PRKCD: variants seen among roughly 807,000 people sequenced by gnomAD.
The protein encoded by PRKCD is protein kinase C delta.
PRKCD carries 20 observed loss-of-function variants against 82.2 expected under a neutral mutation model. The observed-to-expected ratio is 0.24, with a 90% CI of 0.17 to 0.35. The LOEUF is 0.35. PRKCD is among the 10% of genes least tolerant of loss of function. The pLI, the probability that PRKCD is intolerant of heterozygous loss-of-function variation, is 1.00. For synonymous variants in PRKCD, 317 were observed against 337.0 expected (o/e 0.94, Z 0.65); for missense variants, 607 against 899.0 (o/e 0.68, Z 4.15).
intron 14 of PRKCD, among the ~76,000 whole-genome samples, chr3:53,187,057 GTA>G (rs1277585161): frequency 1.5e-4 from 22 of 150,918 alleles, no homozygotes; most frequent in African/African-American, 5.1e-4. Flanking sequence ...AACTAACCGT[GTA>G]TGTGTGTGTG....
chr3:53,182,336 T>G (rs1224777754), intron 7 of PRKCD, among the ~76,000 whole-genome samples: 1 of 152,156 alleles, frequency 6.6e-6, no homozygotes, highest in Non-Finnish European at 1.5e-5. Context: ...TTGTGCGATC[T>G]CAGCTCACTG....
chr3:53,165,655 G>T (rs1483388393), intron 2 of PRKCD, among the ~76,000 whole-genome samples: 1 of 152,188 alleles, frequency 6.6e-6, no homozygotes, highest in African/African-American at 2.4e-5. Context: ...GTTGGACACT[G>T]CAGGGGGATG....
chr3:53,187,195 T>C (rs1703736737), intron 14 of PRKCD, 145 bp from the exon 15 acceptor site: 4 of 944,310 alleles, frequency 4.2e-6, no homozygotes, highest in African/African-American at 1.6e-5. Flanking sequence ...ACTTGCCTGA[T>C]ACAAGATGTA....
rs72955726 is a variant in PRKCD, at chr3:53,172,239, C to T, written c.-19-6165C>T. 7.3e-3 allele frequency among the ~76,000 whole-genome samples: 1,116 copies of T among 152,152 alleles called. 19 individuals carry two copies. The highest frequency in any genetic ancestry group is 0.026 in the African/African-American group (1,075 of 41,478). On this transcript the variant is annotated intron_variant, in intron 2 of 18. Coordinates refer to ENST00000330452, the MANE Select transcript of PRKCD (RefSeq NM_006254.4). ...CCACCTCCTGTTCCTCTTGCTGAGC[C>T]CACTTCCTGGGTTGTGAAACCTGCA...
At chr3:53,185,847 C>T (rs2107276309) in intron 11 of PRKCD, 80 bp from the exon 12 acceptor site, 2 of 1,557,344 alleles carry the variant, frequency 1.3e-6, no homozygotes, top group South Asian at 1.1e-5. Context: ...GGCCCCTTCC[C>T]CCAGCCTACC....
rs776295020 is a variant in PRKCD at position 53,169,145 on chromosome 3, A to G, written c.-20+3930A>G. On this transcript the variant is annotated intron_variant, in intron 2 of 18. Coordinates refer to ENST00000330452, the MANE Select transcript of PRKCD (RefSeq NM_006254.4). This position sits in a 1 kb window ranked among gnomAD's most constrained non-coding sequence, Gnocchi z 4.7. ...CAGGGGGAGCTGTCTGGCCTGAGCC[A>G]CTGCCTGAGCTCGTGCACTCCTAGT... 7.9e-5 allele frequency among the ~76,000 whole-genome samples: 12 copies of G among 151,958 alleles called. No individual in the cohort carries two copies. Among genetic ancestry groups the G allele is most frequent in the South Asian group, 2.1e-4 (1 of 4,828 alleles).
In PRKCD at chr3:53,186,631, C is replaced by T. The variant is rs782521690; in HGVS notation, c.1288C>T (p.Leu430Phe). 6.2e-7 allele frequency: 1 copy of T among 1,613,904 alleles called. No individual in the cohort carries two copies. Among genetic ancestry groups the T allele is most frequent in the South Asian group, 1.1e-5 (1 of 91,058 alleles). The change falls in exon 14 of 19, where the codon CTC becomes TTC. Residue 430 changes from leucine (L) to phenylalanine (F), a missense_variant. Around this residue, in one of 5 missense-constraint regions of PRKCD, gnomAD observed 251 missense variants for 423.9 expected, o/e 0.59. Coordinates refer to ENST00000330452, the MANE Select transcript of PRKCD (RefSeq NM_006254.4). ...KDHLFFVMEFLNGGDLMYHIQ... is the reference protein window; with the variant it reads ...KDHLFFVMEFFNGGDLMYHIQ... ...CCACCTGTTCTTTGTGATGGAGTTC[C>T]TCAACGGGGGGGACCTGATGTACCA...
rs3830263 is a variant in PRKCD, at chr3:53,179,799, C to CGTGTGTGT, written c.315+36_315+43dup. 2,047 of 1,409,754 alleles carry CGTGTGTGT rather than the reference C, an allele frequency of 1.5e-3. 15 individuals are homozygous for CGTGTGTGT. In the African/African-American group the frequency reaches 0.023, roughly 16 times the overall value. 87.3% of individuals were successfully genotyped at this position (1,409,754 alleles called of 1,614,324 possible). On this transcript the variant is annotated intron_variant, in intron 4 of 18. Transcript: ENST00000330452. ...TGGGTAAGGGGCGCACGAGCCGTGC[C>CGTGTGTGT]GTGTGTGTGTGTGTGTGTGTCTGTG...
chr3:53,186,494 C>A, intron 13 of PRKCD, 110 bp from the exon 14 acceptor site: 1 of 1,379,066 alleles, frequency 7.3e-7, no homozygotes, highest in Non-Finnish European at 1.0e-6. Context: ...TCGTCCACCT[C>A]AGCCAGGGCC....
rs781785065 is a variant in PRKCD, at chr3:53,188,869, AC to A, written c.1554+14del. ...TATATCGCCCCTGAGGTGAGCCGAT[AC>A]CCTTCCAGCCCCCCGCTCAGTCAGG... On this transcript the variant is annotated intron_variant, in intron 16 of 18. Coordinates refer to ENST00000330452, the MANE Select transcript of PRKCD (RefSeq NM_006254.4). 9 of 1,613,526 alleles carry A rather than the reference AC, an allele frequency of 5.6e-6. No individual in the cohort carries two copies. The highest frequency in any genetic ancestry group is 1.7e-4 in the Middle Eastern group (1 of 6,034).
intron 17 of PRKCD, among the ~76,000 whole-genome samples, chr3:53,189,541 C>T (rs531075301): frequency 6.6e-6 from 1 of 152,222 alleles, no homozygotes; most frequent in Non-Finnish European, 1.5e-5. Flanking sequence ...GAGTTTGTCT[C>T]CTTATCTGTA....
At chr3:53,171,351 C>G (rs1703023450) in intron 2 of PRKCD, among the ~76,000 whole-genome samples, 1 of 152,182 alleles carries the variant, frequency 6.6e-6, no homozygotes, top group South Asian at 2.1e-4. Flanking sequence ...TGGATGTGAG[C>G]CGATGACAGC....
intron 2 of PRKCD, among the ~76,000 whole-genome samples, chr3:53,171,925 G>A (rs1703043974): frequency 6.6e-6 from 1 of 152,132 alleles, no homozygotes. Context: ...ATGGGTAGGG[G>A]AGGGACCAGA....
Position 53,189,972 on chromosome 3 carries a change from A to T in PRKCD, c.1843A>T (p.Arg615Trp). 1.2e-6 allele frequency: 2 copies of T among 1,614,134 alleles called. No individual in the cohort carries two copies. Among genetic ancestry groups the T allele is most frequent in the Non-Finnish European group, 1.7e-6 (2 of 1,180,030 alleles). The change falls in exon 18 of 19, where the codon AGG becomes TGG. Residue 615 changes from arginine (R) to tryptophan (W), a missense_variant. By Grantham distance (101) the Arg-to-Trp change is moderately radical. Coordinates refer to ENST00000330452, the MANE Select transcript of PRKCD (RefSeq NM_006254.4). ...AAACTGGACTCTGCTGGAAAAGCGG[A>T]GGTTGGAGCCACCTTTCAGGCCCAA... ...TINWTLLEKR[R>W]LEPPFRPKVK...
At chr3:53,185,096 G>A (rs1178974328) in intron 10 of PRKCD, 122 bp downstream of exon 10, 8 of 829,882 alleles carry the variant, frequency 9.6e-6, no homozygotes, top group Non-Finnish European at 1.5e-5. Flanking sequence ...ACTCTACTTC[G>A]GGAAGATGCA....
chr3:53,186,536 C>T, intron 13 of PRKCD, 68 bp from the exon 14 acceptor site: 1 of 1,473,346 alleles, frequency 6.8e-7, no homozygotes, highest in South Asian at 1.2e-5. Flanking sequence ...GGGCTTGGCC[C>T]CAGTGGCCCT....
intron 1 of PRKCD, 57 bp from the exon 2 acceptor site, chr3:53,165,047 G>C (rs368387206): frequency 9.2e-5 from 14 of 152,214 alleles, no homozygotes; most frequent in African/African-American, 2.9e-4. Context: ...ACTGGTAGAC[G>C]GGGAGAGCCT....
Position 53,178,412 on chromosome 3 carries a change from C to T in PRKCD, c.-11C>T. 6.2e-7 allele frequency: 1 copy of T among 1,607,242 alleles called. No individual in the cohort carries two copies. Among genetic ancestry groups the T allele is most frequent in the Non-Finnish European group, 8.5e-7 (1 of 1,177,126 alleles). The stretch of plus-strand genomic sequence containing the variant: ...CCCCTCTGTGTGCACAGCCCCACTG[C>T]AGGCCCCACCATGGCGCCGTTCCTG... On this transcript the variant is annotated 5_prime_UTR_variant, in exon 3 of 19. Coordinates refer to ENST00000330452, the MANE Select transcript of PRKCD (RefSeq NM_006254.4).
intron 1 of PRKCD, among the ~76,000 whole-genome samples, chr3:53,163,899 GC>G (rs1702752062): frequency 6.6e-6 from 1 of 152,196 alleles, no homozygotes; most frequent in South Asian, 2.1e-4. Context: ...GTCAGTAGTA[GC>G]GATGGGGGAG....
Sources: gnomAD v4.1 joint callset for allele counts (sites outside exome capture counted in the v4.1 genomes callset) on GRCh38, gnomAD v4.1.1 for gene constraint, gnomAD v4.1.1 regional missense constraint, Gnocchi (gnomAD v3.1) non-coding constraint, MANE v1.5 for transcripts, NCBI Gene and HGNC (gene_info 2026-07-23, HGNC 2026-07-21) for gene names.